SLC19A1: variants seen among roughly 807,000 people sequenced by gnomAD.
The protein encoded by SLC19A1 is solute carrier family 19 member 1, also known as reduced folate transporter.
In SLC19A1, 37 loss-of-function variants were observed where a neutral mutation model predicts 35.3. The ratio of observed to expected loss-of-function variants is 1.05; its 90% CI spans 0.81 to 1.38. The LOEUF is 1.38. Ranked by LOEUF, SLC19A1 falls within the 40% of genes most tolerant of loss-of-function variation. The probability of loss-of-function intolerance (pLI) is 0.00; values close to 1 mark genes in which losing one functional copy is unlikely to be tolerated. For synonymous variants in SLC19A1, 460 were observed against 398.5 expected, an observed-to-expected ratio of 1.15 and a Z score of -1.84; for missense variants, 831 against 826.9, an observed-to-expected ratio of 1.00 and a Z score of -0.06.
chr21:45,550,404 T>C (rs1431529473), intron 1 of SLC19A1, among the ~76,000 whole-genome samples: 3 of 152,150 alleles, frequency 2.0e-5, no homozygotes, highest in Non-Finnish European at 2.9e-5. Flanking sequence ...CTTCTTCCCA[T>C]GGGCCACCTG....
intron 1 of SLC19A1, among the ~76,000 whole-genome samples, chr21:45,553,420 C>A (rs545824190): frequency 6.6e-6 from 1 of 152,120 alleles, no homozygotes; most frequent in East Asian, 1.9e-4. Context: ...CATCACAGTG[C>A]CAGCCCTAGG....
At chr21:45,529,683 G>A (rs1017766319) in intron 4 of SLC19A1, among the ~76,000 whole-genome samples, 3 of 151,620 alleles carry the variant, frequency 2.0e-5, no homozygotes, top group African/African-American at 7.3e-5. Flanking sequence ...CCATGTGTGA[G>A]CATGTGTTGT....
At position 45,534,521 on chromosome 21, in the gene SLC19A1, C is replaced by T; in HGVS notation, c.190-2373G>A. On this transcript the variant is annotated intron_variant, in intron 2 of 5. Transcript: ENST00000311124. The surrounding 1 kb of genome is among the most constrained non-coding windows in gnomAD (Gnocchi z 4.2). ...CTCTGGAAAAGGGCGGCCAGGGGTCCTAGAAGCCTCACCCACCTCCGAATG... is the reference window on the plus strand; with the variant it reads ...CTCTGGAAAAGGGCGGCCAGGGGTCTTAGAAGCCTCACCCACCTCCGAATG... The T allele has an allele frequency of 3.3e-6, 5 of 1,531,806 alleles. No individual in the cohort carries two copies. The highest frequency in any genetic ancestry group is 4.4e-6 in the Non-Finnish European group (5 of 1,143,386). 94.9% of individuals were successfully genotyped at this position (1,531,806 alleles called of 1,614,324 possible).
At chr21:45,509,888 C>T (rs897209047), downstream of SLC19A1, among the ~76,000 whole-genome samples, 4 of 152,206 alleles carry the variant, frequency 2.6e-5, no homozygotes, top group Admixed American at 1.3e-4. Context: ...CTGCTCTGAC[C>T]TGGCAGCGTA....
Position 45,532,064 on chromosome 21 carries a change from A to G in SLC19A1, c.274T>C (p.Tyr92His), listed in dbSNP as rs1236688629. ...PVFLLTDYLR[Y>H]TPVLLLQGLS... ...CCCTGCAGCAGCAGCACCGGCGTGT[A>G]GCGCAGGTAGTCGGTGAGCAGGAAC... The change falls in exon 3 of 6, where the codon TAC becomes CAC. Residue 92 changes from tyrosine to histidine, a missense_variant. By Grantham distance (83) the Tyr-to-His change is moderately conservative. Coordinates refer to ENST00000311124, the MANE Select transcript of SLC19A1 (RefSeq NM_194255.4). 5.0e-6 allele frequency: 8 copies of G among 1,612,412 alleles called. No individual in the cohort carries two copies. The highest frequency in any genetic ancestry group is 6.8e-6 in the Non-Finnish European group (8 of 1,179,698).
In SLC19A1 at chr21:45,538,120, C is replaced by G. The variant is rs552848454; in HGVS notation, c.-49-112G>C. On this transcript the variant is annotated intron_variant, in intron 1 of 5. Transcript: ENST00000311124. ...TCGCCACTCAGGACCAAACGCCACC[C>G]TGGAGACGAATGCAGACCCCAGACC... 3.7e-4 allele frequency: 222 copies of G among 598,966 alleles called. No individual in the cohort carries two copies. The South Asian group carries it at 4.8e-3, about 13-fold the overall frequency. 37.1% of individuals were successfully genotyped at this position (598,966 alleles called of 1,614,324 possible).
At chr21:45,506,667 C>T (rs1332900962) in intron 3 of SLC19A1, 1 of 172,322 alleles carries the variant, frequency 5.8e-6, no homozygotes, top group Non-Finnish European at 1.3e-5. Flanking sequence ...GTGGGAGCCT[C>T]CATGGCAGAA....
At chr21:45,558,503 A>C (rs896021729) in intron 1 of SLC19A1, among the ~76,000 whole-genome samples, 1 of 152,244 alleles carries the variant, frequency 6.6e-6, no homozygotes, top group African/African-American at 2.4e-5. Flanking sequence ...GGGATGCAGC[A>C]GGTGGGGCTG....
At chr21:45,554,929 C>G (rs949598079) in intron 1 of SLC19A1, among the ~76,000 whole-genome samples, 1 of 151,716 alleles carries the variant, frequency 6.6e-6, no homozygotes, top group Non-Finnish European at 1.5e-5. Context: ...CAGAAGCAGC[C>G]CCTTTGACGA....
At chr21:45,543,466 A>G (rs934604999), upstream of SLC19A1, among the ~76,000 whole-genome samples, 1 of 152,240 alleles carries the variant, frequency 6.6e-6, no homozygotes, top group Admixed American at 6.5e-5. Context: ...AGTCTGGGGC[A>G]GCAGCCCCTG....
downstream of SLC19A1, among the ~76,000 whole-genome samples, chr21:45,508,526 GTGGGTGGATGGA>G (rs1196677455): frequency 6.6e-6 from 1 of 151,658 alleles, no homozygotes; most frequent in African/African-American, 2.4e-5. Context: ...TAGTGGATGG[GTGGGTGGATGGA>G]TGGGTAGAAA....
At chr21:45,509,645 G>T (rs1035617713), downstream of SLC19A1, 8 of 1,029,122 alleles carry the variant, frequency 7.8e-6, no homozygotes, top group African/African-American at 1.6e-5. Context: ...CTAGCCCCTC[G>T]GCTCTCGGCA....
Position 45,552,684 on chromosome 21 carries a change from C to T in SLC19A1, c.-50+10058G>A, listed in dbSNP as rs538584072. ...AGGGGCTGGTCTCAGCGAAGTGGAG[C>T]GGGTCTTAGTGGGTTGGGGCCAGTC... On this transcript the variant is annotated intron_variant, in intron 1 of 5. Coordinates refer to the SLC19A1 transcript ENST00000650808. Among the ~76,000 whole-genome samples, 11 of 149,792 alleles carry T rather than the reference C, an allele frequency of 7.3e-5. No homozygotes were observed. The South Asian group carries it at 1.7e-3, about 23-fold the overall frequency.
At chr21:45,532,910 G>A (rs897994065) in intron 2 of SLC19A1, among the ~76,000 whole-genome samples, 6 of 152,222 alleles carry the variant, frequency 3.9e-5, no homozygotes, top group Non-Finnish European at 7.3e-5. Flanking sequence ...CAGCAGGTTC[G>A]TGGGAGGGAC....
Position 45,530,674 on chromosome 21 carries a change from G to T in SLC19A1, c.1151+96C>A. ...TGGCGGGGCCAGCAGTGGCACAGCC[G>T]CTGGGGCGCAGCAGGAAGGTGGGAG... On this transcript the variant is annotated intron_variant, in intron 4 of 5. Coordinates refer to ENST00000311124, the MANE Select transcript of SLC19A1 (RefSeq NM_194255.4). This position sits in a 1 kb window ranked among gnomAD's most constrained non-coding sequence, Gnocchi z 5.3. 2 of 1,313,702 alleles carry T rather than the reference G, an allele frequency of 1.5e-6. No homozygotes were observed. The highest frequency in any genetic ancestry group is 2.1e-6 in the Non-Finnish European group (2 of 956,102). 81.4% of individuals were successfully genotyped at this position (1,313,702 alleles called of 1,614,324 possible). A position where few individuals can be genotyped will look rare whatever the true frequency, so the allele number is the denominator to read the frequency against.
At chr21:45,554,662 T>C (rs939037465) in intron 1 of SLC19A1, among the ~76,000 whole-genome samples, 3 of 147,634 alleles carry the variant, frequency 2.0e-5, no homozygotes, top group Non-Finnish European at 4.5e-5. Flanking sequence ...AGGCCGGCGA[T>C]CCTTCCTGTG....
intron 5 of SLC19A1, among the ~76,000 whole-genome samples, chr21:45,523,263 C>A (rs1164513603): frequency 1.3e-5 from 2 of 152,200 alleles, no homozygotes; most frequent in Non-Finnish European, 2.9e-5. Flanking sequence ...CCTCTAGACC[C>A]AACAGGATGT....
chr21:45,525,674 G>A, intron 5 of SLC19A1, 143 bp downstream of exon 5: 2 of 850,110 alleles, frequency 2.4e-6, no homozygotes, highest in South Asian at 3.4e-5. Context: ...CGCTGGCCTG[G>A]TGTGTCCCAC....
At chr21:45,548,582 A>G (rs1013620764), upstream of SLC19A1, among the ~76,000 whole-genome samples, 1 of 152,020 alleles carries the variant, frequency 6.6e-6, no homozygotes, top group African/African-American at 2.4e-5. Flanking sequence ...CACCTCTACT[A>G]AAAATACAAA....
Sources: gnomAD v4.1 joint callset for allele counts (sites outside exome capture counted in the v4.1 genomes callset) on GRCh38, gnomAD v4.1.1 for gene constraint, Gnocchi (gnomAD v3.1) non-coding constraint, MANE v1.5 for transcripts, NCBI Gene and HGNC (gene_info 2026-07-23, HGNC 2026-07-21) for gene names.